The following SERPINI1 variants were observed in gnomAD, a reference collection of about 807,000 sequenced individuals.
SERPINI1 encodes the protein neuroserpin.
A neutral mutation model predicts 41.1 loss-of-function variants in SERPINI1; 19 were observed. The ratio of observed to expected loss-of-function variants is 0.46; its 90% CI spans 0.32 to 0.68. The LOEUF (loss-of-function observed/expected upper bound fraction) is 0.68. Ranked by LOEUF, SERPINI1 falls within the 30% of genes least tolerant of loss-of-function variation. The pLI is 0.03. For missense variants in SERPINI1, 460 were observed against 479.2 expected (o/e 0.96, Z 0.37); for synonymous variants, 138 against 156.6 (o/e 0.88, Z 0.89).
intron 5 of SERPINI1, 142 bp from the exon 6 acceptor site, chr3:167,807,102 G>A: frequency 3.1e-6 from 2 of 647,734 alleles, no homozygotes; most frequent in East Asian, 2.7e-5. Context: ...TCAATCAAAT[G>A]CTAATTGCAG....
At chr3:167,811,717 T>A (rs906666407) in intron 6 of SERPINI1, among the ~76,000 whole-genome samples, 4 of 152,060 alleles carry the variant, frequency 2.6e-5, no homozygotes, top group African/African-American at 7.2e-5. Context: ...AAAAAACTTT[T>A]AAAAAATACC....
intron 1 of SERPINI1, among the ~76,000 whole-genome samples, chr3:167,739,265 A>G (rs1725588331): frequency 6.6e-6 from 1 of 152,174 alleles, no homozygotes; most frequent in African/African-American, 2.4e-5. Context: ...CATATTCAGC[A>G]TAAAGAAATT....
chr3:167,822,677 G>A (rs1296821973), intron 6 of SERPINI1, among the ~76,000 whole-genome samples: 2 of 151,886 alleles, frequency 1.3e-5, no homozygotes, highest in Non-Finnish European at 2.9e-5. Flanking sequence ...AGATATTTTA[G>A]TCTTGACTTA....
At chr3:167,765,698 A>C (rs1326651568) in intron 1 of SERPINI1, among the ~76,000 whole-genome samples, 1 of 152,218 alleles carries the variant, frequency 6.6e-6, no homozygotes, top group African/African-American at 2.4e-5. Context: ...TAGCATTGTC[A>C]GGCTGCAAAT....
intron 3 of SERPINI1, among the ~76,000 whole-genome samples, chr3:167,791,482 C>A (rs369940905): frequency 6.6e-6 from 1 of 151,990 alleles, no homozygotes; most frequent in African/African-American, 2.4e-5. Flanking sequence ...TGTTTTTTAT[C>A]TATGAGATTA....
At chr3:167,782,916 A>G (rs1284751310) in intron 1 of SERPINI1, among the ~76,000 whole-genome samples, 1 of 152,304 alleles carries the variant, frequency 6.6e-6, no homozygotes, top group South Asian at 2.1e-4. Context: ...GAGTCTGGCT[A>G]GAGTTACAGG....
intron 1 of SERPINI1, among the ~76,000 whole-genome samples, chr3:167,786,462 C>A (rs977120303): frequency 6.8e-6 from 1 of 146,828 alleles, no homozygotes; most frequent in Non-Finnish European, 1.5e-5. Flanking sequence ...GAGCCGAGAT[C>A]GCACCACTGC....
chr3:167,793,450 A>G (rs965819303), intron 4 of SERPINI1, among the ~76,000 whole-genome samples: 3 of 151,852 alleles, frequency 2.0e-5, no homozygotes, highest in African/African-American at 7.3e-5. Context: ...TTAAAAGCAC[A>G]GTACAGGCCA....
Position 167,801,276 on chromosome 3 carries a change from T to C in SERPINI1, c.882-5968T>C, listed in dbSNP as rs1272385836. 7.2e-5 allele frequency among the ~76,000 whole-genome samples: 11 copies of C among 152,370 alleles called. No homozygotes were observed. In the East Asian group the frequency reaches 1.9e-3, roughly 27 times the overall value. ...GGTCTTCAAACCTCTACCCTCCATA[T>C]GGCTCTTCAACTTATTCAGGTAGAA... On this transcript the variant is annotated intron_variant, in intron 5 of 8. Transcript: ENST00000446050.
Position 167,794,730 on chromosome 3 carries a change from C to A in SERPINI1, c.787C>A (p.Pro263Thr). The change falls in exon 5 of 9, where the codon CCT (proline) becomes ACT (threonine). Residue 263 changes from proline to threonine, a missense_variant. By Grantham distance (38) the Pro-to-Thr change is conservative (BLOSUM62 -1). Coordinates refer to ENST00000446050, the MANE Select transcript of SERPINI1 (RefSeq NM_001122752.2). ...MMLVLSRQEV[P>T]LATLEPLVKA... The stretch of plus-strand genomic sequence containing the variant: ...GCTGGTGCTGTCCAGACAGGAAGTT[C>A]CTCTTGCTACTCTGGAGCCATTAGT... The A allele has an allele frequency of 1.2e-6, 2 of 1,613,596 alleles. No homozygotes were observed. Among genetic ancestry groups the A allele is most frequent in the East Asian group, 4.5e-5 (2 of 44,868 alleles).
chr3:167,748,917 G>C (rs573277023), intron 1 of SERPINI1, among the ~76,000 whole-genome samples: 1 of 152,058 alleles, frequency 6.6e-6, no homozygotes. Flanking sequence ...GTTACCACTA[G>C]TTTGGGATAC....
At chr3:167,813,075 G>A (rs1711947109) in intron 6 of SERPINI1, among the ~76,000 whole-genome samples, 1 of 152,128 alleles carries the variant, frequency 6.6e-6, no homozygotes, top group African/African-American at 2.4e-5. Flanking sequence ...CACACCAAAA[G>A]CCATATTCAG....
chr3:167,777,524 G>A (rs562953537), intron 1 of SERPINI1, among the ~76,000 whole-genome samples: 27 of 152,236 alleles, frequency 1.8e-4, no homozygotes, highest in African/African-American at 6.5e-4. Context: ...CTACACAGGT[G>A]ATGTTGTGGT....
At chr3:167,812,067 C>T (rs1458694036) in intron 6 of SERPINI1, among the ~76,000 whole-genome samples, 1 of 152,122 alleles carries the variant, frequency 6.6e-6, no homozygotes, top group Non-Finnish European at 1.5e-5. Context: ...TTGCTAAGAC[C>T]TCTCAAGTCC....
intron 1 of SERPINI1, among the ~76,000 whole-genome samples, chr3:167,752,707 C>T (rs1208294812): frequency 6.6e-6 from 1 of 151,926 alleles, no homozygotes; most frequent in Non-Finnish European, 1.5e-5. Context: ...CTTACAAGGG[C>T]CTAGATAACC....
intron 1 of SERPINI1, among the ~76,000 whole-genome samples, chr3:167,746,988 A>G (rs1725880048): frequency 2.0e-5 from 3 of 152,356 alleles, no homozygotes; most frequent in African/African-American, 7.2e-5. Context: ...ACAGGTGTTC[A>G]TAACAGCATT....
intron 5 of SERPINI1, among the ~76,000 whole-genome samples, chr3:167,804,593 G>T (rs181733799): frequency 6.6e-6 from 1 of 152,228 alleles, no homozygotes; most frequent in African/African-American, 2.4e-5. Context: ...AGCTACTCAG[G>T]AGGCCAAGGC....
At chr3:167,759,472 G>A (rs140998671) in intron 1 of SERPINI1, among the ~76,000 whole-genome samples, 3,097 of 147,272 alleles carry the variant, frequency 0.021, 119 homozygotes, top group Admixed American at 0.098. Context: ...CATATACTTC[G>A]TAGCAACATG....
At chr3:167,772,872 A>ATATATATATATATATG (rs1726820953) in intron 1 of SERPINI1, among the ~76,000 whole-genome samples, 1 of 41,768 alleles carries the variant, frequency 2.4e-5, no homozygotes, top group Admixed American at 2.8e-4. Flanking sequence ...CTCTATATAT[A>ATATATATATATATATG]TATATATATA....
Sources: allele counts gnomAD v4.1 joint callset (sites outside exome capture counted in the v4.1 genomes callset), GRCh38; gene constraint gnomAD v4.1.1; transcripts MANE v1.5; gene names NCBI Gene and HGNC (gene_info 2026-07-23, HGNC 2026-07-21).